DIP2C: variants seen among roughly 807,000 people sequenced by gnomAD.
DIP2C encodes the protein DIP2 acetate--CoA ligase C (putative).
In DIP2C, 33 loss-of-function variants were observed where a neutral mutation model predicts 192.4. That is an observed-to-expected ratio of 0.17 (90% CI 0.13 to 0.23). DIP2C has a LOEUF of 0.23. DIP2C is among the 10% of genes least tolerant of loss of function. DIP2C has a pLI of 1.00. For synonymous variants in DIP2C, 979 were observed against 864.1 expected (o/e 1.13, Z -2.33); for missense variants, 1,537 against 2,110.1 (o/e 0.73, Z 5.32).
chr10:534,715 G>C (rs568021983), intron 1 of DIP2C, among the ~76,000 whole-genome samples: 18 of 150,634 alleles, frequency 1.2e-4, no homozygotes, highest in African/African-American at 4.4e-4. Flanking sequence ...TGTCGCCCAG[G>C]CCGGACTGCG....
Position 606,536 on chromosome 10 carries a change from G to C in DIP2C, c.85+82958C>G, listed in dbSNP as rs544430047. Among the ~76,000 whole-genome samples, 15 of 149,812 alleles carry C rather than the reference G, an allele frequency of 1.0e-4. No individual in the cohort carries two copies. In the South Asian group the frequency reaches 3.3e-3, roughly 33 times the overall value. ...CACGGCCCCGCTGCCGTAATTACCT[G>C]CTGTGATCCGAATTCTCATTGGTTG... is the stretch of plus-strand genomic sequence containing the variant. On this transcript the variant is annotated intron_variant, in intron 1 of 36. Transcript: ENST00000280886.
At chr10:559,972 C>A (rs908817115) in intron 1 of DIP2C, among the ~76,000 whole-genome samples, 2 of 142,718 alleles carry the variant, frequency 1.4e-5, no homozygotes, top group Non-Finnish European at 3.1e-5. Flanking sequence ...ACCTCTCCCC[C>A]CCACTCCTGT....
intron 29 of DIP2C, among the ~76,000 whole-genome samples, chr10:330,337 GAA>G (rs1957447279): frequency 8.5e-6 from 1 of 118,318 alleles, no homozygotes. Flanking sequence ...TTAGAGAAAT[GAA>G]AAAGTGATAG....
At chr10:379,248 G>A (rs373257159) in intron 17 of DIP2C, among the ~76,000 whole-genome samples, 12 of 84,332 alleles carry the variant, frequency 1.4e-4, no homozygotes, top group Non-Finnish European at 2.1e-4. Flanking sequence ...GCCCTGCCCC[G>A]CTACCCCACC....
chr10:313,627 A>C (rs1956654913), intron 31 of DIP2C, among the ~76,000 whole-genome samples: 1 of 152,230 alleles, frequency 6.6e-6, no homozygotes, highest in Non-Finnish European at 1.5e-5. Flanking sequence ...TTCTATGCAA[A>C]TGCTGCGCCA....
rs12777289 is a variant in DIP2C, at chr10:347,848, G to A, written c.3231+793C>T. Among the ~76,000 whole-genome samples, 81 of 15,444 alleles carry A rather than the reference G, an allele frequency of 5.2e-3. 2 individuals are homozygous for A. The highest frequency in any genetic ancestry group is 0.036 in the Middle Eastern group (1 of 28). The allele number at this position is 15,444 out of a possible 152,430, so 10.1% of individuals were successfully genotyped here. A position where few individuals can be genotyped will look rare whatever the true frequency, so the allele number is the denominator to read the frequency against. On this transcript the variant is annotated intron_variant, in intron 26 of 36. Transcript: ENST00000280886. ...CATAGCTCTCCTGGAAACCCCACACGCACCCAGACGCGTCGCGCATAGCTC... is the reference window on the plus strand; with the variant it reads ...CATAGCTCTCCTGGAAACCCCACACACACCCAGACGCGTCGCGCATAGCTC...
intron 1 of DIP2C, among the ~76,000 whole-genome samples, chr10:601,862 G>A (rs544408045): frequency 6.6e-6 from 1 of 152,316 alleles, no homozygotes; most frequent in South Asian, 2.1e-4. Context: ...TTCTCCAGAG[G>A]GGCCTCAGGC....
Position 277,248 on chromosome 10 carries a change from T to C in DIP2C, c.*77A>G, listed in dbSNP as rs1017260924. 36 of 1,565,598 alleles carry C rather than the reference T, an allele frequency of 2.3e-5. No homozygotes were observed. The highest frequency in any genetic ancestry group is 4.0e-5 in the African/African-American group (3 of 74,390). On this transcript the variant is annotated 3_prime_UTR_variant, in exon 37 of 37. Coordinates refer to ENST00000280886, the MANE Select transcript of DIP2C (RefSeq NM_014974.3). ...GGCTGTATTCTGGTGAGTGTTGCCC[T>C]GTGTCTGCACGCTTCAGTGGACACG...
intron 1 of DIP2C, among the ~76,000 whole-genome samples, chr10:566,620 C>A (rs914885681): frequency 7.9e-5 from 12 of 152,256 alleles, no homozygotes; most frequent in Admixed American, 6.5e-5. Context: ...TGAGCCCCAG[C>A]ACACAGAAGC....
At chr10:495,336 C>G (rs1844747020) in intron 1 of DIP2C, among the ~76,000 whole-genome samples, 1 of 152,082 alleles carries the variant, frequency 6.6e-6, no homozygotes, top group African/African-American at 2.4e-5. Context: ...GTACCATCTG[C>G]CTGAAATTCA....
At chr10:531,721 TATC>T (rs1307624509) in intron 1 of DIP2C, among the ~76,000 whole-genome samples, 3 of 152,018 alleles carry the variant, frequency 2.0e-5, no homozygotes, top group African/African-American at 7.3e-5. Flanking sequence ...TGCAAGCAGA[TATC>T]ATACGCTCTG....
intron 1 of DIP2C, among the ~76,000 whole-genome samples, chr10:612,217 C>T (rs1442749624): frequency 2.6e-5 from 4 of 151,798 alleles, no homozygotes; most frequent in Non-Finnish European, 5.9e-5. Flanking sequence ...GGCGTGAACC[C>T]AGGAGGCGAG....
chr10:618,040 A>G (rs1201950972), intron 1 of DIP2C, among the ~76,000 whole-genome samples: 2 of 152,172 alleles, frequency 1.3e-5, no homozygotes, highest in Non-Finnish European at 2.9e-5. Context: ...CCACTCTGTG[A>G]TTGTGTGTTT....
intron 1 of DIP2C, among the ~76,000 whole-genome samples, chr10:656,010 ACT>A (rs1437718571): frequency 2.6e-5 from 4 of 151,112 alleles, no homozygotes; most frequent in African/African-American, 7.3e-5. Flanking sequence ...ATAATGTTAC[ACT>A]GTTTCTTCTA....
chr10:522,049 C>T (rs1046865421), intron 1 of DIP2C, among the ~76,000 whole-genome samples: 4 of 152,024 alleles, frequency 2.6e-5, no homozygotes, highest in Non-Finnish European at 5.9e-5. Flanking sequence ...CACGGAGTTG[C>T]TTCCCCACCC....
chr10:378,028 G>A (rs144507265), intron 17 of DIP2C, among the ~76,000 whole-genome samples: 145 of 152,230 alleles, frequency 9.5e-4, no homozygotes, highest in African/African-American at 3.3e-3. Context: ...GAGTCAGATG[G>A]CAGGAGATTT....
intron 1 of DIP2C, among the ~76,000 whole-genome samples, chr10:600,231 C>T (rs537396360): frequency 2.0e-5 from 3 of 152,300 alleles, no homozygotes; most frequent in African/African-American, 7.2e-5. Flanking sequence ...CCTACTGGAA[C>T]CCTCAGTGAC....
At chr10:425,666 G>A (rs921526108) in intron 4 of DIP2C, among the ~76,000 whole-genome samples, 19 of 151,328 alleles carry the variant, frequency 1.3e-4, no homozygotes, top group African/African-American at 3.7e-4. Flanking sequence ...AATATGACAC[G>A]GATGATACAG....
chr10:334,482 T>C (rs191597664), intron 29 of DIP2C, among the ~76,000 whole-genome samples: 38 of 152,266 alleles, frequency 2.5e-4, no homozygotes, highest in Non-Finnish European at 4.9e-4. Context: ...AGTATTTATG[T>C]AGTATACCTT....
Sources: allele counts gnomAD v4.1 joint callset (sites outside exome capture counted in the v4.1 genomes callset), GRCh38; gene constraint gnomAD v4.1.1; transcripts MANE v1.5; gene names NCBI Gene and HGNC (gene_info 2026-07-23, HGNC 2026-07-21).